Variants in LYST observed in about 807,000 individuals in gnomAD.
The protein encoded by LYST is lysosomal-trafficking regulator.
A neutral mutation model predicts 413.6 loss-of-function variants in LYST; 192 were observed. That is an observed-to-expected ratio of 0.46 (90% confidence interval 0.41 to 0.52). LYST has a LOEUF of 0.52. Ranked by LOEUF, LYST falls within the 20% of genes least tolerant of loss-of-function variation. LYST has a pLI of 0.00. For synonymous variants in LYST, 1,525 were observed against 1,567.3 expected (o/e 0.97, Z 0.64); for missense variants, 3,815 against 4,499.9 (o/e 0.85, Z 4.35).
intron 3 of LYST, among the ~76,000 whole-genome samples, chr1:235,816,823 G>C (rs566994593): frequency 6.6e-6 from 1 of 152,096 alleles, no homozygotes; most frequent in African/African-American, 2.4e-5. Context: ...CCCTGGCAAA[G>C]GTTTCATGAC....
At chr1:235,770,118 CTG>C in intron 20 of LYST, 40 bp downstream of exon 20, 2 of 1,598,832 alleles carry the variant, frequency 1.3e-6, no homozygotes, top group Non-Finnish European at 1.7e-6. Flanking sequence ...TATTAAACAA[CTG>C]TGGAATATAT....
At chr1:235,726,352 G>T (rs1159689582) in intron 38 of LYST, among the ~76,000 whole-genome samples, 1 of 151,910 alleles carries the variant, frequency 6.6e-6, no homozygotes, top group African/African-American at 2.4e-5. Flanking sequence ...AATATATTAT[G>T]AATAAAATAA....
chr1:235,725,983 G>A (rs1663833127), intron 38 of LYST, among the ~76,000 whole-genome samples: 1 of 152,144 alleles, frequency 6.6e-6, no homozygotes, highest in Non-Finnish European at 1.5e-5. Context: ...TTAATCTTTT[G>A]TAAATTGTAA....
At chr1:235,820,357 ATTTCT>A (rs1324862633) in intron 3 of LYST, among the ~76,000 whole-genome samples, 6 of 151,540 alleles carry the variant, frequency 4.0e-5, no homozygotes, top group Non-Finnish European at 7.4e-5. Flanking sequence ...GCTAATAGGT[ATTTCT>A]TTTCTTTTCT....
chr1:235,808,778 GCTGGGCAGGATCC>G lies in LYST; in HGVS notation c.2027_2039del (p.Gly676AlafsTer14). The stretch of plus-strand genomic sequence containing the variant: ...TCCACAACAAATCTTCAGATCCACT[GCTGGGCAGGATCC>G]CTTGAAATCTGTAAGAAGGACTGGA... On this transcript the variant is annotated frameshift_variant, in exon 5 of 53. Coordinates refer to ENST00000389793, the MANE Select transcript of LYST (RefSeq NM_000081.4). LOFTEE classifies it high-confidence loss of function. The G allele has an allele frequency of 6.2e-7, 1 of 1,613,938 alleles. No homozygotes were observed. The highest frequency in any genetic ancestry group is 8.5e-7 in the Non-Finnish European group (1 of 1,179,936).
At chr1:235,701,991 A>G (rs894203735) in intron 45 of LYST, among the ~76,000 whole-genome samples, 1 of 152,200 alleles carries the variant, frequency 6.6e-6, no homozygotes, top group Non-Finnish European at 1.5e-5. Context: ...TCCTCTTAAA[A>G]TAGGTCACAG....
intron 21 of LYST, among the ~76,000 whole-genome samples, chr1:235,764,923 TA>T (rs1191738653): frequency 6.6e-6 from 1 of 151,984 alleles, no homozygotes; most frequent in East Asian, 1.9e-4. Flanking sequence ...CCCTGGTTCT[TA>T]AAAAAAACTG....
chr1:235,774,451 A>G (rs1194987783), intron 18 of LYST, among the ~76,000 whole-genome samples: 3 of 152,216 alleles, frequency 2.0e-5, no homozygotes, highest in Non-Finnish European at 4.4e-5. Context: ...CTAGAAATGT[A>G]TTTAAATATA....
intron 1 of LYST, among the ~76,000 whole-genome samples, chr1:235,844,982 C>T (rs754869577): frequency 4.6e-5 from 7 of 152,008 alleles, no homozygotes; most frequent in Non-Finnish European, 8.8e-5. Context: ...GGGATCATGG[C>T]GAAGGGAGGC....
Position 235,806,746 on chromosome 1 carries a change from C to A in LYST, c.2390G>T (p.Cys797Phe). The A allele has an allele frequency of 2.5e-6, 4 of 1,612,538 alleles. No homozygotes were observed. Among genetic ancestry groups the A allele is most frequent in the Non-Finnish European group, 3.4e-6 (4 of 1,178,766 alleles). The change falls in exon 6 of 53, where the codon TGT becomes TTT. Residue 797 changes from cysteine (C) to phenylalanine (F), a missense_variant. By Grantham distance (205) the Cys-to-Phe change is radical. Coordinates refer to ENST00000389793, the MANE Select transcript of LYST (RefSeq NM_000081.4). Reference sequence around the variant, plus strand: ...TTCGATTATTTGACTTACTCCATTACAACTCAAAAACAAATCTCTTATTAC... The same window carrying A: ...TTCGATTATTTGACTTACTCCATTAAAACTCAAAAACAAATCTCTTATTAC... ...SRVIRDLFLS[C>F]NGVSQIIELN... is the part of the protein sequence containing the mutation.
At chr1:235,839,297 C>T (rs1676934383) in intron 1 of LYST, among the ~76,000 whole-genome samples, 1 of 151,324 alleles carries the variant, frequency 6.6e-6, no homozygotes, top group Admixed American at 6.6e-5. Context: ...CGCTCTGTCG[C>T]CCAGGATGGA....
At chr1:235,873,896 CCCAGTTTATCTGAG>C (rs1260571027) in intron 1 of LYST, among the ~76,000 whole-genome samples, 4 of 152,150 alleles carry the variant, frequency 2.6e-5, no homozygotes, top group Admixed American at 6.5e-5. Flanking sequence ...AAGCCAAGAG[CCCAGTTTATCTGAG>C]CAGATTAAAA....
chr1:235,802,193 CAAAAAAAAAAAAA>C (rs35511208), intron 8 of LYST, among the ~76,000 whole-genome samples: 17 of 45,074 alleles, frequency 3.8e-4, no homozygotes, highest in South Asian at 1.1e-3. Context: ...GACTCCATTT[CAAAAAAAAAAAAA>C]AAAAAAAAAA....
intron 48 of LYST, among the ~76,000 whole-genome samples, chr1:235,681,175 G>A (rs1374858413): frequency 2.0e-5 from 3 of 152,190 alleles, no homozygotes; most frequent in Non-Finnish European, 4.4e-5. Context: ...GACGGCATAT[G>A]AACTGAAGTT....
In LYST at chr1:235,758,963, C is replaced by A; in HGVS notation, c.6881+9G>T. On this transcript the variant is annotated intron_variant, in intron 23 of 52. Coordinates refer to ENST00000389793, the MANE Select transcript of LYST (RefSeq NM_000081.4). ...AAGGTGGGAGGAGTGTACAAAAACA[C>A]ATAAGTACCTGTGAGCACTTGCAGT... 6.2e-7 allele frequency: 1 copy of A among 1,613,716 alleles called. No individual in the cohort carries two copies. The highest frequency in any genetic ancestry group is 8.5e-7 in the Non-Finnish European group (1 of 1,179,788).
chr1:235,868,739 T>C (rs1368752273), upstream of LYST, among the ~76,000 whole-genome samples: 1 of 152,260 alleles, frequency 6.6e-6, no homozygotes, highest in South Asian at 2.1e-4. Context: ...TCTTTTTCCC[T>C]GACTGGAGTG....
chr1:235,677,841 G>T (rs1468696601), intron 48 of LYST, among the ~76,000 whole-genome samples: 1 of 151,826 alleles, frequency 6.6e-6, no homozygotes, highest in Non-Finnish European at 1.5e-5. Context: ...TCCAATCTTT[G>T]TTCAAATATA....
chr1:235,874,398 G>A (rs1681054456), intron 1 of LYST, among the ~76,000 whole-genome samples: 1 of 152,172 alleles, frequency 6.6e-6, no homozygotes, highest in Non-Finnish European at 1.5e-5. Context: ...GGGAGATGAA[G>A]GTTATGGCAA....
chr1:235,663,785 G>C (rs964925329), intron 52 of LYST, among the ~76,000 whole-genome samples, 199 bp downstream of exon 52: 1 of 152,154 alleles, frequency 6.6e-6, no homozygotes, highest in Middle Eastern at 3.2e-3. Context: ...TCACTGACTC[G>C]GATTTTAAGC....
Sources: gnomAD v4.1 joint callset for allele counts (sites outside exome capture counted in the v4.1 genomes callset) on GRCh38, gnomAD v4.1.1 for gene constraint, MANE v1.5 for transcripts, NCBI Gene and HGNC (gene_info 2026-07-23, HGNC 2026-07-21) for gene names.